IL1RAP: variants seen among roughly 807,000 people sequenced by gnomAD.
IL1RAP encodes the protein interleukin-1 receptor accessory protein.
Under a neutral mutation model 60.7 loss-of-function variants are expected in IL1RAP, and 35 were observed. The observed-to-expected ratio is 0.58, with a 90% CI of 0.44 to 0.76. IL1RAP has a LOEUF of 0.76. Among genes scored for constraint, IL1RAP ranks in the 30% least tolerant of loss-of-function variants. The probability of loss-of-function intolerance (pLI) is 0.00; values close to 1 mark genes in which losing one functional copy is unlikely to be tolerated. For synonymous variants in IL1RAP, 268 were observed against 250.9 expected, an observed-to-expected ratio of 1.07 and a Z score of -0.64; for missense variants, 572 against 693.9, an observed-to-expected ratio of 0.82 and a Z score of 1.97.
Position 190,645,805 on chromosome 3 carries a change from G to A in IL1RAP, c.1308G>A (p.Lys436=), listed in dbSNP as rs34879831. The A allele has an allele frequency of 0.16, 258,445 of 1,612,478 alleles. 22,288 individuals are homozygous for A. Among genetic ancestry groups the A allele is most frequent in the African/African-American group, 0.29 (21,773 of 74,894 alleles). Reference sequence around the variant, plus strand: ...TTTTGGAGAATGAATTTGGATACAAGCTGTGCATCTTTGACCGAGACAGTC... The same window carrying A: ...TTTTGGAGAATGAATTTGGATACAAACTGTGCATCTTTGACCGAGACAGTC... ...RGVLENEFGY[K]LCIFDRDSLP... The change falls in exon 11 of 12, where the codon AAG becomes AAA. Residue 436 remains lysine (K), a synonymous_variant. Coordinates refer to ENST00000447382, the MANE Select transcript of IL1RAP (RefSeq NM_002182.4).
intron 1 of IL1RAP, among the ~76,000 whole-genome samples, chr3:190,542,247 C>T (rs188504482): frequency 4.6e-5 from 7 of 152,162 alleles, no homozygotes; most frequent in East Asian, 1.9e-4. Context: ...TATAAACTGT[C>T]GTGGATATGA....
chr3:190,516,627 A>C (rs926593961), intron 1 of IL1RAP, among the ~76,000 whole-genome samples: 1 of 152,190 alleles, frequency 6.6e-6, no homozygotes, highest in Admixed American at 6.5e-5. Context: ...TTGTGGTCAG[A>C]CCTACTTGAT....
chr3:190,603,996 G>A, intron 3 of IL1RAP, 132 bp from the exon 4 acceptor site: 3 of 822,054 alleles, frequency 3.6e-6, no homozygotes, highest in Middle Eastern at 2.4e-4. Context: ...AATTATTAGA[G>A]GGAGGCTGGA....
chr3:190,645,600 T>C (rs936854415), intron 10 of IL1RAP, 99 bp from the exon 11 acceptor site: 1 of 932,922 alleles, frequency 1.1e-6, no homozygotes, highest in East Asian at 2.5e-5. Flanking sequence ...ATCTGTCACA[T>C]AATGAAAATG....
At chr3:190,522,419 GTATCTATCTATCTATCTATC>G (rs36196626) in intron 1 of IL1RAP, among the ~76,000 whole-genome samples, 4 of 142,746 alleles carry the variant, frequency 2.8e-5, no homozygotes, top group African/African-American at 7.9e-5. Flanking sequence ...ATGTATCTAT[GTATCTATCTATCTATCTATC>G]TATCTATCTA....
intron 9 of IL1RAP, among the ~76,000 whole-genome samples, chr3:190,641,273 G>GA (rs1340686873): frequency 6.6e-6 from 1 of 152,146 alleles, no homozygotes; most frequent in Non-Finnish European, 1.5e-5. Flanking sequence ...CCTCTGATAG[G>GA]AAATTCTTTA....
chr3:190,644,478 A>T (rs896360740), intron 10 of IL1RAP, 81 bp downstream of exon 10: 1 of 1,149,246 alleles, frequency 8.7e-7, no homozygotes, highest in Admixed American at 2.2e-5. Context: ...AAAAGAAAAC[A>T]TGTTGATTTG....
rs1725720017 is a variant in IL1RAP at position 190,559,655 on chromosome 3, A to G, written c.-2+3439A>G. ...ACCCATATATACTTTATTTTAAGGC[A>G]TGTATTTTAATTTTGAAGTGTTTGG... On this transcript the variant is annotated intron_variant, in intron 2 of 11. Coordinates refer to ENST00000447382, the MANE Select transcript of IL1RAP (RefSeq NM_002182.4). Among the ~76,000 whole-genome samples the G allele has an allele frequency of 2.6e-5, 4 of 152,196 alleles. No individual in the cohort carries two copies. In the South Asian group the frequency reaches 8.3e-4, roughly 32 times the overall value.
chr3:190,620,030 C>T (rs749477344), intron 5 of IL1RAP, among the ~76,000 whole-genome samples: 36 of 152,130 alleles, frequency 2.4e-4, no homozygotes, highest in Non-Finnish European at 4.1e-4. Flanking sequence ...GACAGGAAGC[C>T]TGTGTTTTTG....
At chr3:190,605,344 A>AAAAAC (rs543856398) in intron 4 of IL1RAP, among the ~76,000 whole-genome samples, 5 of 152,098 alleles carry the variant, frequency 3.3e-5, no homozygotes, top group African/African-American at 4.8e-5. Context: ...AAAAAAACAA[A>AAAAAC]AAAACAAAAC....
chr3:190,602,912 C>T (rs1197516848), intron 3 of IL1RAP, among the ~76,000 whole-genome samples: 1 of 152,096 alleles, frequency 6.6e-6, no homozygotes, highest in Non-Finnish European at 1.5e-5. Context: ...ACTCCATCAC[C>T]CTGACCTCTG....
intron 2 of IL1RAP, among the ~76,000 whole-genome samples, chr3:190,560,050 A>G (rs2108615903): frequency 6.6e-6 from 1 of 152,338 alleles, no homozygotes; most frequent in Non-Finnish European, 1.5e-5. Flanking sequence ...CAAAAGACTG[A>G]TGATGAAAAT....
chr3:190,638,719 T>A (rs1733418731), intron 9 of IL1RAP, among the ~76,000 whole-genome samples: 1 of 152,154 alleles, frequency 6.6e-6, no homozygotes, highest in Non-Finnish European at 1.5e-5. Flanking sequence ...AGGCCTATAG[T>A]CCATCTCTTT....
chr3:190,640,717 A>G (rs1733596542), intron 9 of IL1RAP, among the ~76,000 whole-genome samples: 1 of 152,174 alleles, frequency 6.6e-6, no homozygotes, highest in Admixed American at 6.5e-5. Flanking sequence ...TAGAGCAAGA[A>G]CTCAAAACAG....
intron 1 of IL1RAP, among the ~76,000 whole-genome samples, chr3:190,543,693 C>T (rs1163298227): frequency 6.6e-6 from 1 of 152,016 alleles, no homozygotes; most frequent in Non-Finnish European, 1.5e-5. Context: ...AAGGAAGGCA[C>T]GGGGTGATCT....
At chr3:190,575,515 T>C (rs1727360975) in intron 3 of IL1RAP, among the ~76,000 whole-genome samples, 1 of 152,196 alleles carries the variant, frequency 6.6e-6, no homozygotes, top group African/African-American at 2.4e-5. Flanking sequence ...TATTAAAGAA[T>C]ATGCTATTTA....
At chr3:190,562,729 CACACACAT>C (rs1276794136) in intron 2 of IL1RAP, among the ~76,000 whole-genome samples, 2 of 141,176 alleles carry the variant, frequency 1.4e-5, no homozygotes, top group African/African-American at 2.6e-5. Flanking sequence ...CACACACACA[CACACACAT>C]CTGCTACATA....
At chr3:190,619,420 T>C (rs1560218666) in intron 5 of IL1RAP, among the ~76,000 whole-genome samples, 1 of 152,292 alleles carries the variant, frequency 6.6e-6, no homozygotes, top group East Asian at 1.9e-4. Flanking sequence ...GTTTCTGAAA[T>C]CTGTGATACT....
chr3:190,624,497 C>T (rs1314777712), intron 7 of IL1RAP: 4 of 151,994 alleles, frequency 2.6e-5, no homozygotes, highest in South Asian at 2.1e-4. Context: ...GAGTGTGACA[C>T]GAGTGACTCC....
Sources: gnomAD v4.1 joint callset for allele counts (sites outside exome capture counted in the v4.1 genomes callset) on GRCh38, gnomAD v4.1.1 for gene constraint, MANE v1.5 for transcripts, NCBI Gene and HGNC (gene_info 2026-07-23, HGNC 2026-07-21) for gene names.